LRRC7: variants seen among roughly 807,000 people sequenced by gnomAD.
LRRC7 encodes the protein leucine rich repeat containing 7.
In LRRC7, 23 loss-of-function variants were observed where a neutral mutation model predicts 175.7. The observed-to-expected ratio is 0.13, with a 90% CI of 0.09 to 0.19. LRRC7 has a LOEUF of 0.19. Ranked by LOEUF, LRRC7 falls within the 10% of genes least tolerant of loss-of-function variation. The pLI is 1.00. For missense variants in LRRC7, 1,354 were observed against 1,904.7 expected (o/e 0.71, Z 5.38); for synonymous variants, 685 against 680.9 (o/e 1.01, Z -0.09).
At chr1:69,801,220 C>T (rs1676443563) in intron 4 of LRRC7, among the ~76,000 whole-genome samples, 1 of 151,708 alleles carries the variant, frequency 6.6e-6, no homozygotes, top group African/African-American at 2.4e-5. Flanking sequence ...CAGGATAATA[C>T]TTGCTTTCTA....
At chr1:69,934,664 T>G (rs2101780816) in intron 8 of LRRC7, among the ~76,000 whole-genome samples, 1 of 152,294 alleles carries the variant, frequency 6.6e-6, no homozygotes, top group South Asian at 2.1e-4. Flanking sequence ...TTAATATTTT[T>G]TGGTATATTC....
At chr1:69,686,124 A>T (rs974046807) in intron 2 of LRRC7, among the ~76,000 whole-genome samples, 3 of 152,180 alleles carry the variant, frequency 2.0e-5, no homozygotes, top group Non-Finnish European at 4.4e-5. Flanking sequence ...TATTATAAGA[A>T]TTGTCAACTC....
chr1:69,774,084 C>A (rs1672544329), intron 3 of LRRC7, among the ~76,000 whole-genome samples: 1 of 152,060 alleles, frequency 6.6e-6, no homozygotes, highest in Admixed American at 6.6e-5. Flanking sequence ...GTTTCTGCTA[C>A]AGGATATCTG....
chr1:69,919,462 C>T, intron 7 of LRRC7: 1 of 990,152 alleles, frequency 1.0e-6, no homozygotes, highest in Non-Finnish European at 1.6e-6. Context: ...CCAGTGGGAG[C>T]GGCCCAGCGG....
At chr1:69,853,961 T>A (rs1380142899) in intron 7 of LRRC7, among the ~76,000 whole-genome samples, 1 of 152,216 alleles carries the variant, frequency 6.6e-6, no homozygotes. Flanking sequence ...ATACAGAGTC[T>A]CATTAAATTA....
intron 1 of LRRC7, among the ~76,000 whole-genome samples, chr1:69,620,647 G>A (rs1184179304): frequency 6.6e-6 from 1 of 152,172 alleles, no homozygotes; most frequent in Non-Finnish European, 1.5e-5. Flanking sequence ...CTCTGACATG[G>A]CACTGAAAGT....
Position 69,937,788 on chromosome 1 carries a change from A to G in LRRC7, c.711+6218A>G, listed in dbSNP as rs141060446. 7.8e-3 allele frequency among the ~76,000 whole-genome samples: 1,190 copies of G among 152,088 alleles called. 8 individuals are homozygous for G. Among genetic ancestry groups the G allele is most frequent in the Middle Eastern group, 0.048 (14 of 292 alleles). Reference sequence around the variant, plus strand: ...ACTAGCTAATTTTATTAATTATTTTATATTTTCTTCTTGAAAAAGCAGTCA... The same window carrying G: ...ACTAGCTAATTTTATTAATTATTTTGTATTTTCTTCTTGAAAAAGCAGTCA... On this transcript the variant is annotated intron_variant, in intron 8 of 26. Coordinates refer to ENST00000651989, the MANE Select transcript of LRRC7 (RefSeq NM_001370785.2).
intron 8 of LRRC7, 28 bp downstream of exon 8, chr1:69,931,598 T>C (rs866386815): frequency 6.5e-7 from 1 of 1,547,230 alleles, no homozygotes; most frequent in East Asian, 2.2e-5. Flanking sequence ...CTAAACCTGA[T>C]AAATACCCTT....
chr1:70,051,397 A>G (rs994693227), intron 22 of LRRC7, among the ~76,000 whole-genome samples: 2 of 152,060 alleles, frequency 1.3e-5, no homozygotes, highest in African/African-American at 4.8e-5. Context: ...CTGAATAATT[A>G]TGTTTTAACT....
chr1:69,718,107 G>GAGAGAAAAAGA (rs1665848136), intron 2 of LRRC7, among the ~76,000 whole-genome samples: 2 of 48,048 alleles, frequency 4.2e-5, no homozygotes, highest in Non-Finnish European at 3.9e-5. Flanking sequence ...AAGAAAGAGA[G>GAGAGAAAAAGA]AAAAAGAAAG....
At chr1:70,047,051 AAATTACCATCTC>A (rs1215963193) in intron 22 of LRRC7, among the ~76,000 whole-genome samples, 17 of 152,146 alleles carry the variant, frequency 1.1e-4, no homozygotes, top group Admixed American at 6.6e-5. Flanking sequence ...AAGATAGTAA[AAATTACCATCTC>A]AGGTCCTTAA....
At chr1:69,678,325 TA>T in intron 1 of LRRC7, 55 bp from the exon 2 acceptor site, 3 of 1,256,750 alleles carry the variant, frequency 2.4e-6, no homozygotes, top group Non-Finnish European at 3.4e-6. Flanking sequence ...ATTTAACTTG[TA>T]AACATTTATC....
At chr1:69,720,202 C>T (rs1335666772) in intron 2 of LRRC7, among the ~76,000 whole-genome samples, 2 of 151,200 alleles carry the variant, frequency 1.3e-5, no homozygotes, top group East Asian at 3.9e-4. Context: ...TTATTAATTT[C>T]TTTTGGATTT....
In LRRC7 at chr1:70,131,161, A is replaced by C. The variant is rs1042351955; in HGVS notation, c.*9274A>C. ...TTGACAAAACCATGTTACCCCTCCCAAACTTTTATAGAGATAGAATCTGGC... is the reference window on the plus strand; with the variant it reads ...TTGACAAAACCATGTTACCCCTCCCCAACTTTTATAGAGATAGAATCTGGC... On this transcript the variant is annotated 3_prime_UTR_variant, in exon 27 of 27. Coordinates refer to ENST00000651989, the MANE Select transcript of LRRC7 (RefSeq NM_001370785.2). Among the ~76,000 whole-genome samples, 4 of 152,346 alleles carry C rather than the reference A, an allele frequency of 2.6e-5. No homozygotes were observed. The highest frequency in any genetic ancestry group is 9.6e-5 in the African/African-American group (4 of 41,588).
At chr1:69,729,136 C>T (rs1667288741) in intron 2 of LRRC7, among the ~76,000 whole-genome samples, 1 of 152,108 alleles carries the variant, frequency 6.6e-6, no homozygotes, top group Non-Finnish European at 1.5e-5. Flanking sequence ...CATTACCTCC[C>T]ACTAGGTCCC....
intron 2 of LRRC7, among the ~76,000 whole-genome samples, chr1:69,699,513 T>TG (rs1384531139): frequency 6.6e-6 from 1 of 151,428 alleles, no homozygotes; most frequent in African/African-American, 2.4e-5. Flanking sequence ...GTACTCCACC[T>TG]GGCGACAGAG....
At chr1:69,755,961 A>G (rs2100917327) in intron 2 of LRRC7, among the ~76,000 whole-genome samples, 1 of 152,072 alleles carries the variant, frequency 6.6e-6, no homozygotes, top group East Asian at 1.9e-4. Flanking sequence ...TTTACCATGA[A>G]AAATGAAGAT....
intron 4 of LRRC7, among the ~76,000 whole-genome samples, chr1:69,813,241 C>T (rs114074887): frequency 0.014 from 2,089 of 152,248 alleles, 49 homozygotes; most frequent in African/African-American, 0.048. Flanking sequence ...CCTTTCTTCT[C>T]TCTCATGTCA....
chr1:69,946,450 T>A (rs1042962391), intron 8 of LRRC7, among the ~76,000 whole-genome samples: 1 of 151,784 alleles, frequency 6.6e-6, no homozygotes, highest in Non-Finnish European at 1.5e-5. Flanking sequence ...TTTTTGGGTA[T>A]TTTTTTTATT....
Sources: allele counts gnomAD v4.1 joint callset (sites outside exome capture counted in the v4.1 genomes callset), GRCh38; gene constraint gnomAD v4.1.1; transcripts MANE v1.5; gene names NCBI Gene and HGNC (gene_info 2026-07-23, HGNC 2026-07-21).